Variants in NEBL observed in about 807,000 individuals in gnomAD.
NEBL encodes the protein LIM and SH3 protein 2.
A neutral mutation model predicts 140.2 loss-of-function variants in NEBL; 122 were observed. That is an observed-to-expected ratio of 0.87 (90% CI 0.75 to 1.01). The LOEUF (loss-of-function observed/expected upper bound fraction) is 1.01, where lower values mean the gene tolerates loss of function less well. Ranked by LOEUF, NEBL falls within the 50% of genes least tolerant of loss-of-function variation. The pLI is 0.00. For synonymous variants in NEBL, 436 were observed against 398.9 expected (o/e 1.09, Z -1.11); for missense variants, 1,365 against 1,231.3 (o/e 1.11, Z -1.62).
chr10:20,926,809 CAG>C (rs1833937077), intron 4 of NEBL, among the ~76,000 whole-genome samples: 1 of 152,190 alleles, frequency 6.6e-6, no homozygotes, highest in Non-Finnish European at 1.5e-5. Flanking sequence ...AGAACGCAAA[CAG>C]AGAGTAAACA....
At chr10:21,292,384 G>T (rs1843157024) in intron 1 of NEBL, among the ~76,000 whole-genome samples, 1 of 152,174 alleles carries the variant, frequency 6.6e-6, no homozygotes, top group Non-Finnish European at 1.5e-5. Context: ...CACTGGAATT[G>T]CACGATCATC....
At chr10:21,015,302 T>A (rs74379842) in intron 3 of NEBL, among the ~76,000 whole-genome samples, 1,764 of 152,230 alleles carry the variant, frequency 0.012, 44 homozygotes, top group African/African-American at 0.04. Flanking sequence ...AGCTCCATGT[T>A]GTTGTCTTCT....
In NEBL at chr10:20,791,653, C is replaced by G. The variant is rs186567076; in HGVS notation, c.2762-4345G>C. Among the ~76,000 whole-genome samples the G allele has an allele frequency of 2.1e-3, 321 of 152,142 alleles. 5 individuals carry two copies. The highest frequency in any genetic ancestry group is 6.0e-4 in the Non-Finnish European group (41 of 68,018). On this transcript the variant is annotated intron_variant, in intron 26 of 27. Transcript: ENST00000377122. ...CAAGCAATTATCTTGTCTCAGACTC[C>G]CAAAGCACTGGGATTATGGGCGTGA...
At chr10:20,808,346 C>CT in intron 26 of NEBL, among the ~76,000 whole-genome samples, 164 bp downstream of exon 26, 1 of 147,212 alleles carries the variant, frequency 6.8e-6, no homozygotes, top group Non-Finnish European at 1.5e-5. Context: ...AGGGTTTTTT[C>CT]TTTAAAAAAA....
chr10:20,851,619 C>CAA (rs1342689533), intron 10 of NEBL, among the ~76,000 whole-genome samples: 2,041 of 114,476 alleles, frequency 0.018, 45 homozygotes, highest in African/African-American at 0.062. Context: ...ACTAAAAATA[C>CAA]AAAAAAAAAA....
intron 3 of NEBL, among the ~76,000 whole-genome samples, chr10:20,991,926 G>A (rs896122308): frequency 2.6e-5 from 4 of 152,112 alleles, no homozygotes; most frequent in African/African-American, 9.7e-5. Context: ...CTGCATCCAT[G>A]TTGCTACAAA....
At chr10:21,100,268 G>A (rs900831278) in intron 2 of NEBL, among the ~76,000 whole-genome samples, 1 of 152,118 alleles carries the variant, frequency 6.6e-6, no homozygotes, top group Non-Finnish European at 1.5e-5. Context: ...ACCATCAGCC[G>A]GTCCTTTTCC....
At chr10:20,826,283 A>G (rs1407012775) in intron 18 of NEBL, among the ~76,000 whole-genome samples, 164 bp downstream of exon 18, 3 of 152,196 alleles carry the variant, frequency 2.0e-5, no homozygotes, top group Non-Finnish European at 1.5e-5. Context: ...ACAAGGATAC[A>G]GTTTTTGTTC....
intron 3 of NEBL, among the ~76,000 whole-genome samples, chr10:21,233,848 A>ACATATATAGATATATATTACATATATATG (rs1564547094): frequency 0.024 from 2,522 of 105,354 alleles, 65 homozygotes; most frequent in Non-Finnish European, 0.029. Context: ...GATATATATT[A>ACATATATAGATATATATTACATATATATG]CATATATAGA....
At chr10:20,955,232 G>T (rs1432911652) in intron 4 of NEBL, among the ~76,000 whole-genome samples, 1 of 152,196 alleles carries the variant, frequency 6.6e-6, no homozygotes, top group Non-Finnish European at 1.5e-5. Flanking sequence ...AGACATGGAT[G>T]ATCTTCACCT....
At chr10:21,199,845 G>C (rs1003175291) in intron 3 of NEBL, among the ~76,000 whole-genome samples, 1 of 152,210 alleles carries the variant, frequency 6.6e-6, no homozygotes, top group East Asian at 1.9e-4. Flanking sequence ...TGGAAAGCCT[G>C]ATTTGTAGCT....
intron 4 of NEBL, among the ~76,000 whole-genome samples, chr10:20,917,137 G>A (rs981658551): frequency 6.6e-6 from 1 of 152,182 alleles, no homozygotes; most frequent in African/African-American, 2.4e-5. Context: ...CTAGCACAAA[G>A]CTGGTAAGAA....
At position 21,119,140 on chromosome 10, in the gene NEBL, T is replaced by C. The variant is rs147551221; in HGVS notation, c.164+53243A>G. 2.7e-3 allele frequency among the ~76,000 whole-genome samples: 405 copies of C among 152,328 alleles called. 4 individuals carry two copies. The highest frequency in any genetic ancestry group is 9.3e-3 in the African/African-American group (386 of 41,582). On this transcript the variant is annotated intron_variant, in intron 2 of 6. Coordinates refer to the NEBL transcript ENST00000417816. Reference sequence around the variant, plus strand: ...CTTTACAGTTTATTTTTGTGGATACTATGTCTTCTAGCTTTGCTTTATTCG... The same window carrying C: ...CTTTACAGTTTATTTTTGTGGATACCATGTCTTCTAGCTTTGCTTTATTCG...
intron 3 of NEBL, among the ~76,000 whole-genome samples, chr10:20,973,626 T>C (rs1836674742): frequency 6.6e-6 from 1 of 152,222 alleles, no homozygotes; most frequent in African/African-American, 2.4e-5. Context: ...CTTCTAGTAA[T>C]GGTCCTGAGC....
intron 12 of NEBL, among the ~76,000 whole-genome samples, chr10:20,844,018 T>C (rs1489417601): frequency 6.6e-6 from 1 of 152,132 alleles, no homozygotes; most frequent in Non-Finnish European, 1.5e-5. Flanking sequence ...CTCTAGGAAG[T>C]TGCCATTTGC....
At chr10:21,023,845 G>C (rs1183129749) in intron 2 of NEBL, among the ~76,000 whole-genome samples, 3 of 152,052 alleles carry the variant, frequency 2.0e-5, no homozygotes, top group African/African-American at 7.2e-5. Context: ...CTCCATGCAA[G>C]ACAAAAATGA....
intron 5 of NEBL, among the ~76,000 whole-genome samples, 163 bp from the exon 6 acceptor site, chr10:20,870,004 C>A (rs1844758218): frequency 6.6e-6 from 1 of 152,016 alleles, no homozygotes; most frequent in African/African-American, 2.4e-5. Context: ...TATATTAACT[C>A]TTTATACTAT....
chr10:20,988,918 C>G (rs1837355500), intron 3 of NEBL, among the ~76,000 whole-genome samples: 1 of 152,192 alleles, frequency 6.6e-6, no homozygotes, highest in Non-Finnish European at 1.5e-5. Flanking sequence ...TTGACTGCAT[C>G]CCAGTCCATA....
intron 2 of NEBL, among the ~76,000 whole-genome samples, chr10:21,068,882 GTTA>G (rs1835686312): frequency 3.3e-5 from 5 of 152,184 alleles, no homozygotes; most frequent in Admixed American, 1.3e-4. Flanking sequence ...CATGTTTGTT[GTTA>G]TTGTTGTTGT....
Sources: gnomAD v4.1 joint callset for allele counts (sites outside exome capture counted in the v4.1 genomes callset) on GRCh38, gnomAD v4.1.1 for gene constraint, MANE v1.5 for transcripts, NCBI Gene and HGNC (gene_info 2026-07-23, HGNC 2026-07-21) for gene names.